The following SCD5 variants were observed in gnomAD, a reference collection of about 807,000 sequenced individuals.
SCD5 encodes stearoyl-CoA desaturase 5.
In SCD5, 20 loss-of-function variants were observed where a neutral mutation model predicts 30.4. The ratio of observed to expected loss-of-function variants is 0.66; its 90% CI spans 0.46 to 0.96. The LOEUF (loss-of-function observed/expected upper bound fraction) is 0.96. Among genes scored for constraint, SCD5 ranks in the 40% least tolerant of loss-of-function variants. SCD5 has a pLI of 0.00. For missense variants in SCD5, 381 were observed against 443.3 expected (o/e 0.86, Z 1.26); for synonymous variants, 173 against 176.4 (o/e 0.98, Z 0.16).
chr4:82,778,903 G>A (rs1488841470), intron 1 of SCD5, among the ~76,000 whole-genome samples: 1 of 147,754 alleles, frequency 6.8e-6, no homozygotes, highest in African/African-American at 2.5e-5. Context: ...TTTCGCTCTT[G>A]TTGCCCAGGC....
chr4:82,785,224 A>G (rs1172963799), intron 1 of SCD5, among the ~76,000 whole-genome samples: 1 of 152,218 alleles, frequency 6.6e-6, no homozygotes, highest in Non-Finnish European at 1.5e-5. Context: ...AAGCAATTGA[A>G]AAGAAGCAGA....
At chr4:82,712,543 T>C (rs1197361246) in intron 1 of SCD5, among the ~76,000 whole-genome samples, 2 of 151,232 alleles carry the variant, frequency 1.3e-5, no homozygotes, top group African/African-American at 4.9e-5. Flanking sequence ...GTCTCGAACT[T>C]CTGACCTTGT....
intron 1 of SCD5, chr4:82,753,453 C>G: frequency 2.0e-6 from 1 of 511,724 alleles, no homozygotes; most frequent in Non-Finnish European, 4.0e-6. Context: ...GCAGTGCGCC[C>G]CAGAGTCACG....
intron 1 of SCD5, 37 bp downstream of exon 1, chr4:82,798,269 C>G: frequency 1.3e-6 from 2 of 1,514,110 alleles, no homozygotes; most frequent in South Asian, 1.3e-5. Flanking sequence ...GGCCTGGCCA[C>G]GGAGGCCGGG....
chr4:82,705,562 A>C (rs1020784413), intron 1 of SCD5, 149 bp from the exon 2 acceptor site: 1 of 1,122,602 alleles, frequency 8.9e-7, no homozygotes, highest in African/African-American at 1.6e-5. Flanking sequence ...GAGAGGAGGC[A>C]GCCTTTTTAT....
chr4:82,693,718 T>C (rs902145457), intron 2 of SCD5, among the ~76,000 whole-genome samples: 11 of 152,146 alleles, frequency 7.2e-5, no homozygotes, highest in Admixed American at 3.3e-4. Flanking sequence ...CTCAGGGGTG[T>C]TCCAGCCAGA....
intron 1 of SCD5, among the ~76,000 whole-genome samples, chr4:82,792,127 C>A (rs1166239524): frequency 2.0e-5 from 3 of 152,174 alleles, no homozygotes; most frequent in Non-Finnish European, 4.4e-5. Flanking sequence ...CATGGCAGTG[C>A]ATGCCTGTAA....
intron 1 of SCD5, among the ~76,000 whole-genome samples, chr4:82,763,309 C>T (rs1374674463): frequency 2.0e-5 from 3 of 152,052 alleles, no homozygotes; most frequent in Admixed American, 6.5e-5. Flanking sequence ...GTCAGGAGTT[C>T]GAGACCAGCC....
At chr4:82,645,315 A>AG (rs1727616406) in intron 3 of SCD5, among the ~76,000 whole-genome samples, 1 of 12,544 alleles carries the variant, frequency 8.0e-5, no homozygotes, top group South Asian at 3.8e-3. Context: ...CCGTCTCAAG[A>AG]AAAAAAAAAA....
intron 1 of SCD5, among the ~76,000 whole-genome samples, chr4:82,738,668 C>T (rs1388670729): frequency 1.3e-5 from 2 of 152,134 alleles, no homozygotes; most frequent in Non-Finnish European, 2.9e-5. Flanking sequence ...CCTGGTAGAC[C>T]ATAGAGAAGC....
chr4:82,775,506 G>A (rs948515220), intron 1 of SCD5: 2 of 152,232 alleles, frequency 1.3e-5, no homozygotes, highest in African/African-American at 4.8e-5. Flanking sequence ...AAAGGGCCAT[G>A]CCACGTGCAA....
intron 3 of SCD5, among the ~76,000 whole-genome samples, chr4:82,645,426 C>T (rs950449120): frequency 6.6e-6 from 1 of 152,026 alleles, no homozygotes; most frequent in Non-Finnish European, 1.5e-5. Context: ...AGAACACAGA[C>T]CCAAATATTT....
At chr4:82,759,146 T>C (rs888338163) in intron 1 of SCD5, among the ~76,000 whole-genome samples, 3 of 152,234 alleles carry the variant, frequency 2.0e-5, no homozygotes, top group Non-Finnish European at 4.4e-5. Context: ...CTGTGCCTTC[T>C]ATCTGAGTGA....
chr4:82,757,603 G>T (rs1254244801), intron 1 of SCD5, among the ~76,000 whole-genome samples: 2 of 152,214 alleles, frequency 1.3e-5, no homozygotes, highest in African/African-American at 4.8e-5. Context: ...ATTATTGTGG[G>T]TGAGGTGGTT....
intron 1 of SCD5, among the ~76,000 whole-genome samples, chr4:82,749,777 T>G (rs1392852461): frequency 6.6e-6 from 1 of 152,244 alleles, no homozygotes; most frequent in Non-Finnish European, 1.5e-5. Flanking sequence ...ACTAACACAT[T>G]AGAAATCATT....
intron 3 of SCD5, among the ~76,000 whole-genome samples, chr4:82,641,905 T>C (rs757295257): frequency 1.3e-5 from 2 of 151,734 alleles, no homozygotes; most frequent in Non-Finnish European, 2.9e-5. Context: ...CCTAAGCCGA[T>C]GTAGGGGAGA....
intron 1 of SCD5, among the ~76,000 whole-genome samples, chr4:82,776,818 A>G (rs974658406): frequency 6.6e-6 from 1 of 152,342 alleles, no homozygotes; most frequent in African/African-American, 2.4e-5. Flanking sequence ...GAAATAAGAA[A>G]GTTAACTAGA....
At chr4:82,786,794 A>AG (rs1360587398) in intron 1 of SCD5, among the ~76,000 whole-genome samples, 1 of 132,304 alleles carries the variant, frequency 7.6e-6, no homozygotes. Context: ...CTTTGCCTTA[A>AG]AAAAAAAAAA....
chr4:82,717,675 G>A (rs892772195), intron 1 of SCD5, among the ~76,000 whole-genome samples: 11 of 151,042 alleles, frequency 7.3e-5, no homozygotes, highest in Non-Finnish European at 1.2e-4. Flanking sequence ...CAGCACTTTC[G>A]GAGGCCAAGG....
Sources: gnomAD v4.1 joint callset for allele counts (sites outside exome capture counted in the v4.1 genomes callset) on GRCh38, gnomAD v4.1.1 for gene constraint, MANE v1.5 for transcripts, NCBI Gene and HGNC (gene_info 2026-07-23, HGNC 2026-07-21) for gene names.